Variants in KIAA1217 observed in about 807,000 individuals in gnomAD.
KIAA1217 encodes the protein KIAA1217.
KIAA1217 carries 88 observed loss-of-function variants against 163.9 expected under a neutral mutation model. The ratio of observed to expected loss-of-function variants is 0.54; its 90% CI spans 0.45 to 0.64. The LOEUF is 0.64. Ranked by LOEUF, KIAA1217 falls within the 30% of genes least tolerant of loss-of-function variation. The pLI is 0.00. For synonymous variants in KIAA1217, 903 were observed against 923.1 expected (o/e 0.98, Z 0.39); for missense variants, 2,372 against 2,475.0 (o/e 0.96, Z 0.88).
At chr10:24,024,563 A>T (rs376125377) in intron 2 of KIAA1217, among the ~76,000 whole-genome samples, 3 of 151,614 alleles carry the variant, frequency 2.0e-5, no homozygotes, top group Non-Finnish European at 4.4e-5. Context: ...ATAAATTTTA[A>T]TTTTTCTTGA....
chr10:24,010,194 G>C (rs1393633734), intron 2 of KIAA1217, among the ~76,000 whole-genome samples: 1 of 151,324 alleles, frequency 6.6e-6, no homozygotes, highest in East Asian at 1.9e-4. Flanking sequence ...TAAAAAAAAT[G>C]ACAGGGTAAA....
intron 2 of KIAA1217, among the ~76,000 whole-genome samples, chr10:24,272,261 G>A (rs567024173): frequency 4.7e-4 from 71 of 152,322 alleles, no homozygotes; most frequent in African/African-American, 1.6e-3. Flanking sequence ...GTCCAGGTTA[G>A]TAATAAGAAC....
intron 2 of KIAA1217, among the ~76,000 whole-genome samples, chr10:24,177,571 T>G (rs964015529): frequency 2.7e-4 from 41 of 151,840 alleles, no homozygotes; most frequent in African/African-American, 7.5e-4. Flanking sequence ...ACAGACATTT[T>G]TTGACCTGTG....
chr10:24,191,986 C>A (rs1023476929), intron 2 of KIAA1217, among the ~76,000 whole-genome samples: 1 of 152,162 alleles, frequency 6.6e-6, no homozygotes, highest in African/African-American at 2.4e-5. Flanking sequence ...CTCAAGTGAT[C>A]CCCCTCCTTG....
At chr10:24,279,673 G>A (rs1188052726) in intron 2 of KIAA1217, among the ~76,000 whole-genome samples, 1 of 152,082 alleles carries the variant, frequency 6.6e-6, no homozygotes, top group East Asian at 1.9e-4. Context: ...ATGAATCTGG[G>A]ATTTATATGG....
At chr10:24,124,585 T>C (rs2063399706) in intron 2 of KIAA1217, among the ~76,000 whole-genome samples, 1 of 152,146 alleles carries the variant, frequency 6.6e-6, no homozygotes, top group African/African-American at 2.4e-5. Flanking sequence ...ATATGGTATA[T>C]TTTATCAGGT....
intron 2 of KIAA1217, among the ~76,000 whole-genome samples, chr10:24,368,251 G>A (rs911785617): frequency 1.6e-4 from 25 of 152,088 alleles, no homozygotes; most frequent in African/African-American, 6.0e-4. Flanking sequence ...TTAAAATGCA[G>A]AAAGGGAAAA....
At chr10:23,773,023 GTTTTA>G (rs935804018) in intron 1 of KIAA1217, among the ~76,000 whole-genome samples, 3 of 152,076 alleles carry the variant, frequency 2.0e-5, no homozygotes, top group African/African-American at 7.2e-5. Context: ...ATGGAGTGGG[GTTTTA>G]TTTTATTTTT....
chr10:23,836,940 AG>A (rs1838489635), intron 1 of KIAA1217, among the ~76,000 whole-genome samples: 1 of 92,346 alleles, frequency 1.1e-5, no homozygotes, highest in Admixed American at 1.4e-4. Flanking sequence ...GAAGGGAGGG[AG>A]GGAGGGAGGG....
intron 1 of KIAA1217, among the ~76,000 whole-genome samples, chr10:23,989,091 C>A (rs1357172983): frequency 6.6e-6 from 1 of 152,176 alleles, no homozygotes; most frequent in East Asian, 1.9e-4. Flanking sequence ...TCAGCATAAT[C>A]TAAGTTATAT....
At chr10:23,950,552 T>G (rs1427882832) in intron 1 of KIAA1217, among the ~76,000 whole-genome samples, 2 of 152,114 alleles carry the variant, frequency 1.3e-5, no homozygotes, top group Admixed American at 6.5e-5. Context: ...AGGGGTTTAC[T>G]GGCTTTATCT....
chr10:24,004,989 G>A (rs1265019511), intron 1 of KIAA1217, among the ~76,000 whole-genome samples: 3 of 152,196 alleles, frequency 2.0e-5, no homozygotes, highest in Non-Finnish European at 4.4e-5. Flanking sequence ...TGGATGGTGG[G>A]AGCAGCTTAG....
intron 1 of KIAA1217, among the ~76,000 whole-genome samples, chr10:23,913,226 G>T (rs1842508180): frequency 6.8e-6 from 1 of 147,650 alleles, no homozygotes; most frequent in Non-Finnish European, 1.5e-5. Context: ...CAGACTGCAG[G>T]GCACAGGCAG....
chr10:24,444,258 C>T (rs753233162), intron 5 of KIAA1217, among the ~76,000 whole-genome samples: 12 of 152,140 alleles, frequency 7.9e-5, no homozygotes, highest in Non-Finnish European at 1.2e-4. Flanking sequence ...GTGATCCACC[C>T]GCCTCGGCCT....
chr10:23,919,431 C>T (rs1305871512), intron 1 of KIAA1217, among the ~76,000 whole-genome samples: 1 of 151,654 alleles, frequency 6.6e-6, no homozygotes, highest in Non-Finnish European at 1.5e-5. Flanking sequence ...CATGGTGAAA[C>T]CCCATCTCTA....
intron 1 of KIAA1217, among the ~76,000 whole-genome samples, chr10:23,752,981 C>T (rs1833726959): frequency 6.6e-6 from 1 of 152,128 alleles, no homozygotes; most frequent in South Asian, 2.1e-4. Context: ...TAAGTGCCTA[C>T]CCCAAATTCA....
intron 1 of KIAA1217, among the ~76,000 whole-genome samples, chr10:23,825,231 C>G: frequency 6.6e-6 from 1 of 152,156 alleles, no homozygotes; most frequent in African/African-American, 2.4e-5. Flanking sequence ...TATATCATTG[C>G]ATAACACATA....
At chr10:24,532,108 A>T (rs2073214083) in intron 15 of KIAA1217, 115 bp downstream of exon 15, 1 of 941,460 alleles carries the variant, frequency 1.1e-6, no homozygotes. Flanking sequence ...TAACTCGACC[A>T]CACAAGATCC....
At chr10:23,848,990 T>G (rs1440313969) in intron 1 of KIAA1217, among the ~76,000 whole-genome samples, 2 of 152,048 alleles carry the variant, frequency 1.3e-5, no homozygotes, top group Admixed American at 6.6e-5. Flanking sequence ...AGTGCAGAAA[T>G]TGTGTCTATT....
Sources: gnomAD v4.1 joint callset for allele counts (sites outside exome capture counted in the v4.1 genomes callset) on GRCh38, gnomAD v4.1.1 for gene constraint, MANE v1.5 for transcripts, NCBI Gene and HGNC (gene_info 2026-07-23, HGNC 2026-07-21) for gene names.